LMBRD1: variants seen among roughly 807,000 people sequenced by gnomAD.
LMBRD1 encodes lysosomal cobalamin transport escort protein LMBD1.
In LMBRD1, 64 loss-of-function variants were observed where a neutral mutation model predicts 74.8. That is an observed-to-expected ratio of 0.86 (90% CI 0.70 to 1.05). The LOEUF is 1.05. Among genes scored for constraint, LMBRD1 ranks in the 50% least tolerant of loss-of-function variants. LMBRD1 has a pLI of 0.00. For missense variants in LMBRD1, 652 were observed against 645.9 expected, an observed-to-expected ratio of 1.01 and a Z score of -0.10; for synonymous variants, 204 against 216.3, an observed-to-expected ratio of 0.94 and a Z score of 0.50.
intron 7 of LMBRD1, among the ~76,000 whole-genome samples, chr6:69,722,485 G>C (rs1451568872): frequency 6.6e-6 from 1 of 150,928 alleles, no homozygotes; most frequent in Non-Finnish European, 1.5e-5. Context: ...AACTTTTCAA[G>C]ACACAGGCAG....
At chr6:69,719,174 G>T in intron 7 of LMBRD1, 93 bp from the exon 8 acceptor site, 1 of 1,182,668 alleles carries the variant, frequency 8.5e-7, no homozygotes, top group Non-Finnish European at 1.2e-6. Context: ...AGTCATAAGA[G>T]TCAGCAGTTG....
chr6:69,706,557 G>C (rs1766264126), intron 9 of LMBRD1, among the ~76,000 whole-genome samples: 1 of 151,978 alleles, frequency 6.6e-6, no homozygotes, highest in Non-Finnish European at 1.5e-5. Context: ...TTGGAGAAAA[G>C]GTTATTTTCT....
chr6:69,698,998 A>G, intron 13 of LMBRD1, 45 bp downstream of exon 13: 2 of 1,294,516 alleles, frequency 1.5e-6, no homozygotes, highest in African/African-American at 1.5e-5. Flanking sequence ...AAATATCACT[A>G]TCTTTAAAAT....
chr6:69,747,737 C>T (rs9294851), intron 5 of LMBRD1, among the ~76,000 whole-genome samples: 54,812 of 152,026 alleles, frequency 0.36, 10,470 homozygotes, highest in East Asian at 0.54. Context: ...GCCCTAAGAT[C>T]TAGCACAGTA....
At chr6:69,705,649 C>T (rs1438845303) in intron 9 of LMBRD1, 2 of 887,980 alleles carry the variant, frequency 2.3e-6, no homozygotes, top group East Asian at 4.9e-5. Flanking sequence ...TTATCACCAT[C>T]TTCATCATTA....
chr6:69,760,079 A>C (rs984258307), intron 3 of LMBRD1, among the ~76,000 whole-genome samples: 3 of 152,170 alleles, frequency 2.0e-5, no homozygotes, highest in African/African-American at 7.2e-5. Context: ...ACTTAGCAAA[A>C]TAGCTTGTCA....
chr6:69,722,834 G>A (rs1054053421), intron 7 of LMBRD1, among the ~76,000 whole-genome samples: 14 of 152,098 alleles, frequency 9.2e-5, no homozygotes, highest in African/African-American at 2.9e-4. Context: ...AAGTCCTTAC[G>A]TATCAGTAAC....
intron 2 of LMBRD1, among the ~76,000 whole-genome samples, chr6:69,787,430 A>T (rs929835809): frequency 2.6e-5 from 4 of 152,184 alleles, no homozygotes; most frequent in African/African-American, 9.7e-5. Flanking sequence ...AGCAAACAGA[A>T]CTAGAGACAA....
intron 7 of LMBRD1, among the ~76,000 whole-genome samples, chr6:69,735,327 G>C (rs1766951682): frequency 6.6e-6 from 1 of 151,848 alleles, no homozygotes; most frequent in South Asian, 2.1e-4. Context: ...AATGTGGGAG[G>C]AAACCAGAGT....
intron 7 of LMBRD1, among the ~76,000 whole-genome samples, chr6:69,728,446 G>A (rs12055543): frequency 0.57 from 86,350 of 151,998 alleles, 25,029 homozygotes; most frequent in East Asian, 0.73. Flanking sequence ...ATTTTGCTAA[G>A]CCCAGCTTAT....
In LMBRD1 at chr6:69,700,345, A is replaced by G. The variant is rs73477457; in HGVS notation, c.1188+420T>C. 7.0e-3 allele frequency among the ~76,000 whole-genome samples: 1,058 copies of G among 152,000 alleles called. 16 individuals carry two copies. Among genetic ancestry groups the G allele is most frequent in the African/African-American group, 0.021 (886 of 41,540 alleles). On this transcript the variant is annotated intron_variant, in intron 12 of 15. Coordinates refer to ENST00000649934, the MANE Select transcript of LMBRD1 (RefSeq NM_018368.4). ...TAGGGAGGGCTATCTTTTGAGCTTCAGTGTATCTATTATATTCGAATGTGT... is the reference window on the plus strand; with the variant it reads ...TAGGGAGGGCTATCTTTTGAGCTTCGGTGTATCTATTATATTCGAATGTGT...
At position 69,749,415 on chromosome 6, in the gene LMBRD1, G is replaced by C. The variant is rs1427680099; in HGVS notation, c.406-7C>G. The C allele has an allele frequency of 5.0e-6, 8 of 1,608,994 alleles. No homozygotes were observed. Among genetic ancestry groups the C allele is most frequent in the Non-Finnish European group, 6.0e-6 (7 of 1,176,172 alleles). ...TGAGTGCCGTTTTAATTTGCTAGATGCCAAGGAGAAAAAAGTATAACATTT... is the reference window on the plus strand; with the variant it reads ...TGAGTGCCGTTTTAATTTGCTAGATCCCAAGGAGAAAAAAGTATAACATTT... On this transcript the variant is annotated splice_polypyrimidine_tract_variant and splice_region_variant and intron_variant, in intron 4 of 15. Transcript: ENST00000649934.
At chr6:69,736,797 A>C (rs1448292820) in intron 7 of LMBRD1, among the ~76,000 whole-genome samples, 1 of 152,218 alleles carries the variant, frequency 6.6e-6, no homozygotes, top group Admixed American at 6.5e-5. Context: ...CAGTCACAGA[A>C]TAATAGCAGT....
At chr6:69,787,579 T>C (rs955247504) in intron 2 of LMBRD1, among the ~76,000 whole-genome samples, 1 of 152,114 alleles carries the variant, frequency 6.6e-6, no homozygotes, top group East Asian at 1.9e-4. Context: ...ACCCCATCTC[T>C]ACTAAAAATA....
At chr6:69,717,330 T>C (rs1766513668) in intron 8 of LMBRD1, among the ~76,000 whole-genome samples, 1 of 152,158 alleles carries the variant, frequency 6.6e-6, no homozygotes, top group South Asian at 2.1e-4. Context: ...AATTATTTCT[T>C]ATCTGACTCA....
intron 5 of LMBRD1, 34 bp downstream of exon 5, chr6:69,749,307 T>G: frequency 2.3e-5 from 33 of 1,433,716 alleles, no homozygotes; most frequent in Non-Finnish European, 3.1e-5. Context: ...TCTATTTCCA[T>G]TTCATGGTTT....
At chr6:69,713,278 T>A (rs942141600) in intron 9 of LMBRD1, among the ~76,000 whole-genome samples, 3 of 151,982 alleles carry the variant, frequency 2.0e-5, no homozygotes, top group Non-Finnish European at 4.4e-5. Flanking sequence ...CAAATCAAAA[T>A]AGACTAAACA....
Position 69,752,329 on chromosome 6 carries a change from A to C in LMBRD1, c.335T>G (p.Val112Gly), listed in dbSNP as rs1484401600. Reference protein sequence around the residue: ...YTLYSVILFCVFFWIPFVYFY... With the variant: ...YTLYSVILFCGFFWIPFVYFY... ...GTAGACAAAAGGGATCCAGAAGAAC[A>C]CACAGAACAATATAACAGAATATAA... Residue 112 changes from valine to glycine, a missense_variant, in exon 4 of 16, where the codon GTG becomes GGG. By Grantham distance (109) the Val-to-Gly change is moderately radical. Transcript: ENST00000649934. 6.2e-7 allele frequency: 1 copy of C among 1,610,196 alleles called. No homozygotes were observed. Among genetic ancestry groups the C allele is most frequent in the Non-Finnish European group, 8.5e-7 (1 of 1,176,894 alleles).
chr6:69,727,317 A>T (rs1766757800), intron 7 of LMBRD1, among the ~76,000 whole-genome samples: 1 of 152,228 alleles, frequency 6.6e-6, no homozygotes, highest in African/African-American at 2.4e-5. Context: ...CCATCTATAC[A>T]GCTACTACGT....
Sources: allele counts gnomAD v4.1 joint callset (sites outside exome capture counted in the v4.1 genomes callset), GRCh38; gene constraint gnomAD v4.1.1; transcripts MANE v1.5; gene names NCBI Gene and HGNC (gene_info 2026-07-23, HGNC 2026-07-21).